The following GAP43 variants were observed in gnomAD, a reference collection of about 807,000 sequenced individuals.
GAP43 encodes neuromodulin.
GAP43 carries 6 observed loss-of-function variants against 18.6 expected under a neutral mutation model. The observed-to-expected ratio is 0.32, with a 90% CI of 0.18 to 0.64. GAP43 has a LOEUF of 0.64. Ranked by LOEUF, GAP43 falls within the 30% of genes least tolerant of loss-of-function variation. The probability of loss-of-function intolerance (pLI) is 0.78; values close to 1 mark genes in which losing one functional copy is unlikely to be tolerated. For missense variants in GAP43, 292 were observed against 295.5 expected, an observed-to-expected ratio of 0.99 and a Z score of 0.09; for synonymous variants, 115 against 111.4, an observed-to-expected ratio of 1.03 and a Z score of -0.20.
At chr3:115,627,618 A>G (rs1424482224) in intron 1 of GAP43, among the ~76,000 whole-genome samples, 1 of 152,158 alleles carries the variant, frequency 6.6e-6, no homozygotes, top group Admixed American at 6.6e-5. Context: ...AATCGTATTG[A>G]TAAAGTAAGA....
At chr3:115,638,777 A>T (rs754195927) in intron 1 of GAP43, among the ~76,000 whole-genome samples, 2 of 151,742 alleles carry the variant, frequency 1.3e-5, no homozygotes, top group Admixed American at 1.3e-4. Context: ...TATTTCCGTG[A>T]TAATAAACAG....
chr3:115,701,104 C>T (rs1253377117), intron 2 of GAP43, among the ~76,000 whole-genome samples: 3 of 152,108 alleles, frequency 2.0e-5, no homozygotes, highest in South Asian at 2.1e-4. Flanking sequence ...TCTCCTCTCC[C>T]GTTCATATTA....
intron 1 of GAP43, among the ~76,000 whole-genome samples, chr3:115,646,855 A>C (rs1439903881): frequency 6.6e-6 from 1 of 152,044 alleles, no homozygotes; most frequent in Non-Finnish European, 1.5e-5. Flanking sequence ...TTCACTTTAT[A>C]TATTAAGTAT....
chr3:115,689,601 C>T (rs2107357613), intron 2 of GAP43, among the ~76,000 whole-genome samples: 1 of 152,162 alleles, frequency 6.6e-6, no homozygotes, highest in South Asian at 2.1e-4. Context: ...TAAATATTTC[C>T]TAGGCACCCA....
At chr3:115,698,143 ATATATT>A (rs1709234902) in intron 2 of GAP43, among the ~76,000 whole-genome samples, 4 of 9,336 alleles carry the variant, frequency 4.3e-4, no homozygotes, top group Non-Finnish European at 9.0e-4. Context: ...TATATATAAT[ATATATT>A]ATATATAATA....
chr3:115,690,303 A>G (rs1187053914), intron 2 of GAP43, among the ~76,000 whole-genome samples: 1 of 151,224 alleles, frequency 6.6e-6, no homozygotes, highest in East Asian at 2.0e-4. Context: ...ACCAAGAGAC[A>G]TTGTCTCTGC....
At chr3:115,706,167 G>T (rs1056780556) in intron 2 of GAP43, among the ~76,000 whole-genome samples, 3 of 129,984 alleles carry the variant, frequency 2.3e-5, no homozygotes, top group Non-Finnish European at 4.9e-5. Flanking sequence ...TCCTGGAAAT[G>T]AGAACTTTCT....
chr3:115,658,868 G>C (rs1035239382), intron 1 of GAP43: 1 of 152,482 alleles, frequency 6.6e-6, no homozygotes, highest in Non-Finnish European at 1.5e-5. Flanking sequence ...GATGCGCCGG[G>C]CTCTCTCCTT....
At chr3:115,661,432 G>A (rs1236080520) in intron 1 of GAP43, among the ~76,000 whole-genome samples, 1 of 152,166 alleles carries the variant, frequency 6.6e-6, no homozygotes, top group African/African-American at 2.4e-5. Flanking sequence ...GTTTGACTTG[G>A]CTTTGCTTTG....
intron 2 of GAP43, among the ~76,000 whole-genome samples, chr3:115,699,809 CAT>C (rs1002431973): frequency 1.3e-5 from 2 of 152,120 alleles, no homozygotes; most frequent in African/African-American, 4.8e-5. Context: ...TATTGGGAGT[CAT>C]ATGCATCTTT....
intron 1 of GAP43, among the ~76,000 whole-genome samples, chr3:115,640,796 G>A (rs1708384603): frequency 6.6e-6 from 1 of 152,016 alleles, no homozygotes; most frequent in African/African-American, 2.4e-5. Context: ...ATTAGATTAA[G>A]AAATAATGAC....
chr3:115,696,002 G>GT (rs987965963), intron 2 of GAP43, among the ~76,000 whole-genome samples: 52 of 152,040 alleles, frequency 3.4e-4, no homozygotes, highest in African/African-American at 1.2e-3. Context: ...GAAATGTTGA[G>GT]TTACCCCACA....
intron 1 of GAP43, among the ~76,000 whole-genome samples, chr3:115,654,953 A>C (rs541666434): frequency 3.0e-4 from 46 of 152,320 alleles, no homozygotes; most frequent in African/African-American, 7.5e-4. Flanking sequence ...AGGGAAGTCC[A>C]GAGACACCTA....
chr3:115,681,714 T>C (rs1576992676), intron 2 of GAP43, among the ~76,000 whole-genome samples: 1 of 152,346 alleles, frequency 6.6e-6, no homozygotes, highest in South Asian at 2.1e-4. Context: ...TTAATGAGCA[T>C]TTATTAACTG....
chr3:115,648,422 A>G (rs1433168674), intron 1 of GAP43, among the ~76,000 whole-genome samples: 1 of 152,156 alleles, frequency 6.6e-6, no homozygotes, highest in Non-Finnish European at 1.5e-5. Context: ...CCTATAAGCC[A>G]GGAGAATCCC....
At chr3:115,719,888 G>A (rs745792199) in intron 2 of GAP43, among the ~76,000 whole-genome samples, 1 of 152,138 alleles carries the variant, frequency 6.6e-6, no homozygotes, top group Non-Finnish European at 1.5e-5. Context: ...TAGCATATTA[G>A]TAAACTATCA....
At chr3:115,665,658 T>G (rs2107483419) in intron 1 of GAP43, among the ~76,000 whole-genome samples, 1 of 152,316 alleles carries the variant, frequency 6.6e-6, no homozygotes, top group Middle Eastern at 3.4e-3. Context: ...CCAACTAGAC[T>G]TTTAGCATGC....
chr3:115,714,399 T>G (rs1436212577), intron 2 of GAP43, among the ~76,000 whole-genome samples: 1 of 152,112 alleles, frequency 6.6e-6, no homozygotes, highest in African/African-American at 2.4e-5. Context: ...TAAAATGCCA[T>G]GGCATGGGCA....
intron 2 of GAP43, among the ~76,000 whole-genome samples, chr3:115,698,096 TATAA>T (rs1158092664): frequency 1.9e-5 from 1 of 53,034 alleles, no homozygotes; most frequent in African/African-American, 6.5e-5. Context: ...ATGTATTATA[TATAA>T]TATATAAAAT....
Sources: allele counts gnomAD v4.1 joint callset (sites outside exome capture counted in the v4.1 genomes callset), GRCh38; gene constraint gnomAD v4.1.1; transcripts MANE v1.5; gene names NCBI Gene and HGNC (gene_info 2026-07-23, HGNC 2026-07-21).